Variants in TNIK observed in about 807,000 individuals in gnomAD.
The protein encoded by TNIK is TRAF2 and NCK interacting kinase.
A neutral mutation model predicts 191.3 loss-of-function variants in TNIK; 49 were observed. The observed-to-expected ratio is 0.26, with a 90% CI of 0.20 to 0.32. The LOEUF (loss-of-function observed/expected upper bound fraction) is 0.32, where lower values mean the gene tolerates loss of function less well. Among genes scored for constraint, TNIK ranks in the 10% least tolerant of loss-of-function variants. The pLI is 1.00. For synonymous variants in TNIK, 594 were observed against 600.9 expected, an observed-to-expected ratio of 0.99 and a Z score of 0.17; for missense variants, 1,155 against 1,702.3, an observed-to-expected ratio of 0.68 and a Z score of 5.66.
At chr3:171,105,767 C>G (rs1162005893) in intron 21 of TNIK, among the ~76,000 whole-genome samples, 1 of 152,160 alleles carries the variant, frequency 6.6e-6, no homozygotes, top group Non-Finnish European at 1.5e-5. Flanking sequence ...CCCCTCCAAG[C>G]CAATTTCTGA....
chr3:171,334,565 G>A (rs1240601590), intron 2 of TNIK, among the ~76,000 whole-genome samples: 2 of 152,146 alleles, frequency 1.3e-5, no homozygotes, highest in Non-Finnish European at 2.9e-5. Flanking sequence ...GCATGGAGGA[G>A]CCTTCTAAAA....
chr3:171,263,906 A>C (rs34513377), intron 2 of TNIK, among the ~76,000 whole-genome samples: 20,506 of 151,920 alleles, frequency 0.13, 1,808 homozygotes, highest in Non-Finnish European at 0.18. Context: ...CAAATGTTTT[A>C]ATAAGGCTGG....
chr3:171,188,860 G>T, intron 6 of TNIK, 28 bp from the exon 7 acceptor site: 2 of 1,610,298 alleles, frequency 1.2e-6, no homozygotes, highest in South Asian at 1.1e-5. Context: ...AGTAAATAAA[G>T]TCTGTGATCA....
At chr3:171,454,818 C>T (rs1728603016) in intron 1 of TNIK, among the ~76,000 whole-genome samples, 1 of 152,134 alleles carries the variant, frequency 6.6e-6, no homozygotes, top group South Asian at 2.1e-4. Flanking sequence ...CTTTGAGCCC[C>T]ATGAGACCTC....
At chr3:171,411,226 C>T (rs1380107844) in intron 1 of TNIK, among the ~76,000 whole-genome samples, 1 of 152,042 alleles carries the variant, frequency 6.6e-6, no homozygotes, top group East Asian at 1.9e-4. Flanking sequence ...TACCATCATG[C>T]CTGGCTAATT....
At chr3:171,352,022 T>A (rs1713289995) in intron 2 of TNIK, among the ~76,000 whole-genome samples, 1 of 152,184 alleles carries the variant, frequency 6.6e-6, no homozygotes, top group Non-Finnish European at 1.5e-5. Flanking sequence ...AATGGGCATA[T>A]AAATCACCTG....
intron 1 of TNIK, among the ~76,000 whole-genome samples, chr3:171,450,520 T>C (rs190485962): frequency 4.6e-5 from 7 of 152,264 alleles, no homozygotes; most frequent in Admixed American, 3.3e-4. Context: ...ACAAGTAACT[T>C]CTCTGACCCC....
Position 171,303,523 on chromosome 3 carries a change from T to A in TNIK, c.123+66097A>T, listed in dbSNP as rs113234664. ...CCTTGTTTCACTAAATACAGAAAAT[T>A]ATTATATATGTAAACATATGCATAT... On this transcript the variant is annotated intron_variant, in intron 2 of 32. Transcript: ENST00000436636. Among the ~76,000 whole-genome samples the A allele has an allele frequency of 1.8e-3, 272 of 152,308 alleles. 2 individuals carry two copies. Among genetic ancestry groups the A allele is most frequent in the African/African-American group, 6.4e-3 (266 of 41,566 alleles).
At chr3:171,415,242 A>G (rs1577850068) in intron 1 of TNIK, among the ~76,000 whole-genome samples, 1 of 151,830 alleles carries the variant, frequency 6.6e-6, no homozygotes, top group East Asian at 1.9e-4. Context: ...CCCCAGACGC[A>G]CTCTGCAACC....
At chr3:171,406,039 T>A (rs538878310) in intron 1 of TNIK, among the ~76,000 whole-genome samples, 8 of 152,200 alleles carry the variant, frequency 5.3e-5, no homozygotes, top group Non-Finnish European at 7.3e-5. Context: ...CTATATTCTA[T>A]GATAATGTAT....
At chr3:171,201,697 G>C (rs1448491811) in intron 4 of TNIK, among the ~76,000 whole-genome samples, 2 of 152,128 alleles carry the variant, frequency 1.3e-5, no homozygotes, top group Non-Finnish European at 2.9e-5. Flanking sequence ...GTATACATTT[G>C]AATACATGTA....
chr3:171,448,569 CTTT>C (rs79607104), intron 1 of TNIK, among the ~76,000 whole-genome samples: 2 of 126,402 alleles, frequency 1.6e-5, no homozygotes, highest in African/African-American at 3.0e-5. Context: ...TTCATGTACA[CTTT>C]TTTTTTTTTT....
rs1438695176 is a variant in TNIK, at chr3:171,304,289, G to A, written c.123+65331C>T. On this transcript the variant is annotated intron_variant, in intron 2 of 32. Coordinates refer to ENST00000436636, the MANE Select transcript of TNIK (RefSeq NM_015028.4). Reference sequence around the variant, plus strand: ...AATGGGGCCATTCCATCAGAGAAATGCAAATCAAAACCACAATGAGATACC... The same window carrying A: ...AATGGGGCCATTCCATCAGAGAAATACAAATCAAAACCACAATGAGATACC... Among the ~76,000 whole-genome samples, 4 of 152,220 alleles carry A rather than the reference G, an allele frequency of 2.6e-5. No homozygotes were observed. The East Asian group carries it at 7.7e-4, about 29-fold the overall frequency.
At chr3:171,198,094 T>C (rs1175671845) in intron 4 of TNIK, among the ~76,000 whole-genome samples, 1 of 152,100 alleles carries the variant, frequency 6.6e-6, no homozygotes, top group Admixed American at 6.5e-5. Flanking sequence ...TGGAAAGGAA[T>C]GAAATACTGA....
intron 2 of TNIK, among the ~76,000 whole-genome samples, chr3:171,331,607 C>A (rs926413460): frequency 6.6e-6 from 1 of 152,132 alleles, no homozygotes; most frequent in Non-Finnish European, 1.5e-5. Context: ...GTCTCAAATA[C>A]AAGTCTATTT....
chr3:171,149,898 G>C (rs528720084), intron 12 of TNIK, among the ~76,000 whole-genome samples: 16 of 152,292 alleles, frequency 1.1e-4, no homozygotes, highest in African/African-American at 3.9e-4. Flanking sequence ...GGACACACTG[G>C]GACACCTGTG....
chr3:171,226,642 C>G (rs1419987260), intron 3 of TNIK, among the ~76,000 whole-genome samples: 1 of 152,080 alleles, frequency 6.6e-6, no homozygotes, highest in African/African-American at 2.4e-5. Flanking sequence ...AAAATTTGAA[C>G]TTTTGTAATA....
chr3:171,150,702 C>A (rs749868732), intron 12 of TNIK, among the ~76,000 whole-genome samples: 1 of 152,178 alleles, frequency 6.6e-6, no homozygotes, highest in Non-Finnish European at 1.5e-5. Flanking sequence ...GTTGACCCTA[C>A]TAAACAAGAA....
chr3:171,306,905 C>T (rs1329437021), intron 2 of TNIK, among the ~76,000 whole-genome samples: 2 of 152,092 alleles, frequency 1.3e-5, no homozygotes, highest in African/African-American at 4.8e-5. Context: ...ATGGGAAAAA[C>T]CTCAGCCAGC....
Sources: gnomAD v4.1 joint callset for allele counts (sites outside exome capture counted in the v4.1 genomes callset) on GRCh38, gnomAD v4.1.1 for gene constraint, MANE v1.5 for transcripts, NCBI Gene and HGNC (gene_info 2026-07-23, HGNC 2026-07-21) for gene names.